Variants in PCDH9 observed in about 807,000 individuals in gnomAD.
The protein encoded by PCDH9 is protocadherin 9, also known as protocadherin-9.
A neutral mutation model predicts 70.6 loss-of-function variants in PCDH9; 24 were observed. The observed-to-expected ratio is 0.34, with a 90% CI of 0.25 to 0.48. The LOEUF (loss-of-function observed/expected upper bound fraction) is 0.48. PCDH9 is among the 20% of genes least tolerant of loss of function. The pLI, the probability that PCDH9 is intolerant of heterozygous loss-of-function variation, is 0.99. For synonymous variants in PCDH9, 562 were observed against 558.5 expected, an observed-to-expected ratio of 1.01 and a Z score of -0.09; for missense variants, 1,281 against 1,503.6, an observed-to-expected ratio of 0.85 and a Z score of 2.45.
intron 2 of PCDH9, among the ~76,000 whole-genome samples, chr13:66,993,203 A>G (rs2084039626): frequency 6.6e-6 from 1 of 152,198 alleles, no homozygotes; most frequent in Admixed American, 6.5e-5. Flanking sequence ...CATAGTCACC[A>G]TTTATGAAAT....
intron 3 of PCDH9, among the ~76,000 whole-genome samples, chr13:66,703,868 T>A (rs111661467): frequency 0.02 from 2,975 of 152,086 alleles, 103 homozygotes; most frequent in African/African-American, 0.068. Context: ...GCCACTGCAC[T>A]CCAGCCTGGT....
At chr13:66,410,202 T>TAA (rs531372773) in intron 4 of PCDH9, among the ~76,000 whole-genome samples, 1 of 145,104 alleles carries the variant, frequency 6.9e-6, no homozygotes, top group Non-Finnish European at 1.5e-5. Context: ...TTCCTTTTTT[T>TAA]AAAAAAAAAA....
intron 3 of PCDH9, among the ~76,000 whole-genome samples, chr13:66,707,906 G>C (rs1279345224): frequency 6.6e-6 from 1 of 152,176 alleles, no homozygotes; most frequent in Admixed American, 6.5e-5. Flanking sequence ...TATTTTGCTT[G>C]TTTATCTTCA....
chr13:66,526,312 G>A (rs1342463953), intron 4 of PCDH9, among the ~76,000 whole-genome samples: 4 of 152,088 alleles, frequency 2.6e-5, no homozygotes, highest in African/African-American at 4.8e-5. Context: ...GTGATCCTGC[G>A]GTGCTAATAA....
At chr13:67,157,684 G>GCCA (rs1161018346) in intron 2 of PCDH9, among the ~76,000 whole-genome samples, 1 of 152,170 alleles carries the variant, frequency 6.6e-6, no homozygotes, top group Non-Finnish European at 1.5e-5. Flanking sequence ...AAAAATACAT[G>GCCA]TGAGTAAGCA....
intron 2 of PCDH9, among the ~76,000 whole-genome samples, chr13:67,111,687 T>C (rs2086662094): frequency 6.6e-6 from 1 of 152,182 alleles, no homozygotes; most frequent in Admixed American, 6.5e-5. Context: ...GGGAGTGGAA[T>C]AGTTACTGGA....
chr13:67,218,728 G>T (rs139476089), intron 2 of PCDH9: 17 of 152,094 alleles, frequency 1.1e-4, no homozygotes, highest in African/African-American at 4.1e-4. Flanking sequence ...TACGTAGCAG[G>T]CTCCTTTCAA....
intron 2 of PCDH9, among the ~76,000 whole-genome samples, chr13:67,146,089 T>A (rs772491530): frequency 1.2e-4 from 19 of 152,116 alleles, no homozygotes; most frequent in Non-Finnish European, 2.8e-4. Context: ...TTTAGGCAGG[T>A]AATTGAGGAA....
intron 4 of PCDH9, among the ~76,000 whole-genome samples, chr13:66,571,617 A>C (rs1341038413): frequency 6.6e-6 from 1 of 152,000 alleles, no homozygotes; most frequent in East Asian, 1.9e-4. Context: ...ATCGCTTGAT[A>C]GTTCAACGGC....
rs951767359 is a variant in PCDH9, at chr13:66,303,026, T to C, written c.*1629A>G. 6 of 152,448 alleles carry C rather than the reference T, an allele frequency of 3.9e-5. No homozygotes were observed. The highest frequency in any genetic ancestry group is 7.4e-5 in the Non-Finnish European group (5 of 67,962). The allele number at this position is 152,448 out of a possible 1,614,324, so 9.4% of individuals were successfully genotyped here. ...TATTTTCCATTATACTGTGGAAAAATGTGAACTGCTATTTACAAAGTAATT... is the reference window on the plus strand; with the variant it reads ...TATTTTCCATTATACTGTGGAAAAACGTGAACTGCTATTTACAAAGTAATT... On this transcript the variant is annotated 3_prime_UTR_variant, in exon 5 of 5. Coordinates refer to ENST00000377865, the MANE Select transcript of PCDH9 (RefSeq NM_203487.3).
intron 2 of PCDH9, among the ~76,000 whole-genome samples, chr13:67,055,088 A>C (rs1399778340): frequency 6.6e-6 from 1 of 152,174 alleles, no homozygotes; most frequent in East Asian, 1.9e-4. Context: ...TTTATGGATT[A>C]TATTTTATTA....
At chr13:67,150,711 T>C (rs143028833) in intron 2 of PCDH9, among the ~76,000 whole-genome samples, 70 of 152,312 alleles carry the variant, frequency 4.6e-4, no homozygotes, top group African/African-American at 1.7e-3. Flanking sequence ...CATAAACTTG[T>C]TTTAAATTTA....
intron 3 of PCDH9, among the ~76,000 whole-genome samples, chr13:66,655,334 C>T (rs1332125606): frequency 6.6e-6 from 1 of 151,896 alleles, no homozygotes; most frequent in Non-Finnish European, 1.5e-5. Context: ...GAGAAAAGTG[C>T]TTTCCAGCAT....
chr13:67,014,743 C>G (rs2084524554), intron 2 of PCDH9, among the ~76,000 whole-genome samples: 2 of 151,906 alleles, frequency 1.3e-5, no homozygotes. Flanking sequence ...TCTCCTACCC[C>G]TCCTATGATC....
intron 4 of PCDH9, among the ~76,000 whole-genome samples, chr13:66,454,145 G>GT (rs1195249260): frequency 6.6e-6 from 1 of 151,030 alleles, no homozygotes; most frequent in African/African-American, 2.4e-5. Flanking sequence ...AATAAGACTT[G>GT]TTTTTTTCTT....
At chr13:66,367,655 G>T (rs914069932) in intron 4 of PCDH9, among the ~76,000 whole-genome samples, 1 of 152,130 alleles carries the variant, frequency 6.6e-6, no homozygotes, top group African/African-American at 2.4e-5. Context: ...AGCATAGGGA[G>T]CTGCATGGTG....
At chr13:66,787,610 T>G (rs2080100306) in intron 3 of PCDH9, among the ~76,000 whole-genome samples, 1 of 151,922 alleles carries the variant, frequency 6.6e-6, no homozygotes, top group Non-Finnish European at 1.5e-5. Flanking sequence ...AGCAATACTC[T>G]GTCTCAAAAA....
At chr13:66,518,708 A>T (rs2138603259) in intron 4 of PCDH9, among the ~76,000 whole-genome samples, 1 of 152,278 alleles carries the variant, frequency 6.6e-6, no homozygotes, top group African/African-American at 2.4e-5. Context: ...AATTTACTTT[A>T]AATACATGTG....
rs746947068 is a variant in PCDH9 at position 66,908,942 on chromosome 13, G to A, written c.3037-5337C>T. 2.0e-5 allele frequency among the ~76,000 whole-genome samples: 3 copies of A among 151,956 alleles called. No homozygotes were observed. In the East Asian group the frequency reaches 5.8e-4, roughly 29 times the overall value. On this transcript the variant is annotated intron_variant, in intron 2 of 4. Coordinates refer to ENST00000377865, the MANE Select transcript of PCDH9 (RefSeq NM_203487.3). Reference sequence around the variant, plus strand: ...CAATCATATCATAGAATTGTAGATGGCTATAATACACATTAATTTAAAAAC... The same window carrying A: ...CAATCATATCATAGAATTGTAGATGACTATAATACACATTAATTTAAAAAC...
Sources: gnomAD v4.1 joint callset for allele counts (sites outside exome capture counted in the v4.1 genomes callset) on GRCh38, gnomAD v4.1.1 for gene constraint, MANE v1.5 for transcripts, NCBI Gene and HGNC (gene_info 2026-07-23, HGNC 2026-07-21) for gene names.